The following CDH4 variants were observed in gnomAD, a reference collection of about 807,000 sequenced individuals.
The protein encoded by CDH4 is cadherin-4.
CDH4 carries 33 observed loss-of-function variants against 86.0 expected under a neutral mutation model. The ratio of observed to expected loss-of-function variants is 0.38; its 90% CI spans 0.29 to 0.51. CDH4 has a LOEUF of 0.51. Ranked by LOEUF, CDH4 falls within the 20% of genes least tolerant of loss-of-function variation. The probability of loss-of-function intolerance (pLI) is 0.86; values close to 1 mark genes in which losing one functional copy is unlikely to be tolerated. For missense variants in CDH4, 1,114 were observed against 1,307.4 expected (o/e 0.85, Z 2.28); for synonymous variants, 555 against 549.4 (o/e 1.01, Z -0.14).
At chr20:61,912,934 C>T (rs1568883882) in intron 9 of CDH4, among the ~76,000 whole-genome samples, 1 of 152,314 alleles carries the variant, frequency 6.6e-6, no homozygotes, top group East Asian at 1.9e-4. Context: ...TTGCTGGCAA[C>T]GTTGCTCATG....
chr20:61,510,903 G>A lies in CDH4; in HGVS notation c.170-232660G>A, dbSNP rs77816575. ...AGCTGACAATGGTGGGGGAAGGTGA[G>A]GGGGTGGGGACAGACATGTCACAAA... On this transcript the variant is annotated intron_variant, in intron 2 of 15. Transcript: ENST00000614565. The surrounding 1 kb of genome is among the most constrained non-coding windows in gnomAD (Gnocchi z 4.2). 6.6e-6 allele frequency among the ~76,000 whole-genome samples: 1 copy of A among 151,870 alleles called. No individual in the cohort carries two copies. The highest frequency in any genetic ancestry group is 1.5e-5 in the Non-Finnish European group (1 of 67,994).
At chr20:61,815,059 C>A (rs796602154) in intron 4 of CDH4, among the ~76,000 whole-genome samples, 2 of 152,300 alleles carry the variant, frequency 1.3e-5, no homozygotes, top group African/African-American at 4.8e-5. Flanking sequence ...CCTCTGAAAT[C>A]ATTGAATAGG....
intron 2 of CDH4, among the ~76,000 whole-genome samples, chr20:61,610,465 G>T (rs2427180): frequency 0.17 from 25,785 of 152,150 alleles, 2,790 homozygotes; most frequent in South Asian, 0.33. Flanking sequence ...AAACTTGGGA[G>T]CGTAGCTATC....
At chr20:61,460,437 G>A (rs1204816956) in intron 2 of CDH4, among the ~76,000 whole-genome samples, 1 of 152,200 alleles carries the variant, frequency 6.6e-6, no homozygotes, top group Admixed American at 6.5e-5. Flanking sequence ...AAACTGGGGA[G>A]GTTTGGATCC....
chr20:61,288,739 C>T (rs996730561), intron 2 of CDH4, among the ~76,000 whole-genome samples: 4 of 152,220 alleles, frequency 2.6e-5, no homozygotes, highest in South Asian at 2.1e-4. Context: ...GCCAGCGATT[C>T]GAGCACGCCT....
chr20:61,843,133 G>C (rs139638960), intron 4 of CDH4, among the ~76,000 whole-genome samples: 211 of 151,510 alleles, frequency 1.4e-3, no homozygotes, highest in African/African-American at 5.1e-3. Flanking sequence ...TGCTTTGGGA[G>C]GCCAAGGTGG....
rs2087552981 is a variant in CDH4, at chr20:61,684,503, T to G, written c.170-59060T>G. The stretch of plus-strand genomic sequence containing the variant: ...TGGGCAGAATTCGGAGGCAACCATC[T>G]CCTGGCCGCCTGTTCCATATCACAC... On this transcript the variant is annotated intron_variant, in intron 2 of 15. Transcript: ENST00000614565. This position sits in a 1 kb window ranked among gnomAD's most constrained non-coding sequence, Gnocchi z 4.5. 6.6e-6 allele frequency among the ~76,000 whole-genome samples: 1 copy of G among 152,198 alleles called. No individual in the cohort carries two copies. The highest frequency in any genetic ancestry group is 1.5e-5 in the Non-Finnish European group (1 of 68,028).
chr20:61,809,427 A>G (rs1033920339), intron 4 of CDH4, among the ~76,000 whole-genome samples: 3 of 152,230 alleles, frequency 2.0e-5, no homozygotes, highest in Non-Finnish European at 2.9e-5. Flanking sequence ...GGATTACATA[A>G]CTAAAACCAA....
At chr20:61,707,087 A>G (rs891367304) in intron 2 of CDH4, among the ~76,000 whole-genome samples, 11 of 152,368 alleles carry the variant, frequency 7.2e-5, no homozygotes, top group Non-Finnish European at 1.5e-4. Context: ...CAGGAAGCTG[A>G]GGCCAGTCCC....
rs1403759062 is a variant in CDH4 at position 61,701,972 on chromosome 20, C to T, written c.170-41591C>T. Among the ~76,000 whole-genome samples the T allele has an allele frequency of 2.6e-5, 4 of 152,328 alleles. No individual in the cohort carries two copies. The East Asian group carries it at 5.8e-4, about 22-fold the overall frequency. On this transcript the variant is annotated intron_variant, in intron 2 of 15. Transcript: ENST00000614565. Reference sequence around the variant, plus strand: ...TGCGTGAAGCCTCGTCCTCCTCCTTCGTCAGCTGATTAGCTGGCAGCCGGG... The same window carrying T: ...TGCGTGAAGCCTCGTCCTCCTCCTTTGTCAGCTGATTAGCTGGCAGCCGGG...
At chr20:61,895,203 G>A (rs1433423374) in intron 8 of CDH4, among the ~76,000 whole-genome samples, 156 bp downstream of exon 8, 1 of 152,274 alleles carries the variant, frequency 6.6e-6, no homozygotes, top group Non-Finnish European at 1.5e-5. Flanking sequence ...CTGCTGTGTG[G>A]AGTGGCTCGA....
In CDH4 at chr20:61,762,863, C is replaced by T. The variant is rs893400058; in HGVS notation, c.397-10140C>T. ...CAGTTACACCTTTCCAGGAGGGGGA[C>T]AGGTGCACCCCAACAAGCTGACACA... On this transcript the variant is annotated intron_variant, in intron 3 of 15. Transcript: ENST00000614565. Among the ~76,000 whole-genome samples the T allele has an allele frequency of 9.2e-5, 14 of 152,224 alleles. 1 individual carries two copies. In the South Asian group the frequency reaches 2.7e-3, roughly 29 times the overall value.
At position 61,590,585 on chromosome 20, in the gene CDH4, T is replaced by C. The variant is rs1273619643; in HGVS notation, c.170-152978T>C. 4.6e-5 allele frequency among the ~76,000 whole-genome samples: 7 copies of C among 152,170 alleles called. No individual in the cohort carries two copies. The East Asian group carries it at 1.4e-3, about 29-fold the overall frequency. On this transcript the variant is annotated intron_variant, in intron 2 of 15. Coordinates refer to ENST00000614565, the MANE Select transcript of CDH4 (RefSeq NM_001794.5). ...GCTGCTGAAATCAGCAGATCGTCCA[T>C]GGCTAGGGAGGAGAGGGGGCTGGAC...
At chr20:61,343,130 G>T (rs922192456) in intron 2 of CDH4, among the ~76,000 whole-genome samples, 1 of 152,228 alleles carries the variant, frequency 6.6e-6, no homozygotes, top group African/African-American at 2.4e-5. Flanking sequence ...GCTGCTCAGG[G>T]TGGAGGATGC....
chr20:61,773,436 T>A (rs2088802288), intron 4 of CDH4, among the ~76,000 whole-genome samples: 2 of 152,210 alleles, frequency 1.3e-5, no homozygotes, highest in South Asian at 4.1e-4. Flanking sequence ...GGCTGCTGTG[T>A]GTGTGGAAGC....
At position 61,938,854 on chromosome 20, in the gene CDH4, G is replaced by A. The variant is rs568724938; in HGVS notation, c.*1911G>A. 6.6e-6 allele frequency: 1 copy of A among 152,428 alleles called. No individual in the cohort carries two copies. Among genetic ancestry groups the A allele is most frequent in the East Asian group, 1.9e-4 (1 of 5,172 alleles). The allele number at this position is 152,428 out of a possible 1,614,324, so 9.4% of individuals were successfully genotyped here. ...CTGTGCAGCCTTCAGAGTTGAGCTG[G>A]GGTCTCAGTCTCCAACCTGTCCTTT... On this transcript the variant is annotated 3_prime_UTR_variant, in exon 16 of 16. Transcript: ENST00000614565.
At chr20:61,350,315 C>T (rs112841584) in intron 2 of CDH4, among the ~76,000 whole-genome samples, 4 of 59,094 alleles carry the variant, frequency 6.8e-5, no homozygotes, top group Admixed American at 1.9e-4. Flanking sequence ...GACCTTGCCT[C>T]TCCCACCCAG....
At chr20:61,651,384 C>G (rs2087119054) in intron 2 of CDH4, among the ~76,000 whole-genome samples, 1 of 152,250 alleles carries the variant, frequency 6.6e-6, no homozygotes, top group Non-Finnish European at 1.5e-5. Flanking sequence ...ATGTCCCAGC[C>G]CCGAGTCAAG....
intron 4 of CDH4, among the ~76,000 whole-genome samples, chr20:61,842,954 A>G (rs1280883926): frequency 6.6e-6 from 1 of 152,230 alleles, no homozygotes; most frequent in Non-Finnish European, 1.5e-5. Flanking sequence ...AAATATTTTT[A>G]AAAGCCTCTA....
Sources: gnomAD v4.1 joint callset for allele counts (sites outside exome capture counted in the v4.1 genomes callset) on GRCh38, gnomAD v4.1.1 for gene constraint, Gnocchi (gnomAD v3.1) non-coding constraint, MANE v1.5 for transcripts, NCBI Gene and HGNC (gene_info 2026-07-23, HGNC 2026-07-21) for gene names.